The following AGAP1 variants were observed in gnomAD, a reference collection of about 807,000 sequenced individuals.
AGAP1 encodes the protein arf-GAP with GTPase, ANK repeat and PH domain-containing protein 1.
Under a neutral mutation model 105.3 loss-of-function variants are expected in AGAP1, and 29 were observed. The observed-to-expected ratio is 0.28, with a 90% CI of 0.21 to 0.38. AGAP1 has a LOEUF of 0.38. Ranked by LOEUF, AGAP1 falls within the 10% of genes least tolerant of loss-of-function variation. The pLI, the probability that AGAP1 is intolerant of heterozygous loss-of-function variation, is 1.00. For missense variants in AGAP1, 998 were observed against 1,165.1 expected (o/e 0.86, Z 2.09); for synonymous variants, 509 against 485.9 (o/e 1.05, Z -0.63).
chr2:235,942,459 C>T (rs923932057), intron 12 of AGAP1, among the ~76,000 whole-genome samples: 1 of 152,090 alleles, frequency 6.6e-6, no homozygotes, highest in Non-Finnish European at 1.5e-5. Flanking sequence ...GGGCGGATCA[C>T]CTGAGGTTGG....
rs1359640088 is a variant in AGAP1, at chr2:235,951,061, TGGA to T, written c.1484-17400_1484-17398del. 6.6e-6 allele frequency among the ~76,000 whole-genome samples: 1 copy of T among 152,194 alleles called. No homozygotes were observed. Among genetic ancestry groups the T allele is most frequent in the African/African-American group, 2.4e-5 (1 of 41,448 alleles). On this transcript the variant is annotated intron_variant, in intron 12 of 17. Transcript: ENST00000304032. This position sits in a 1 kb window ranked among gnomAD's most constrained non-coding sequence, Gnocchi z 4.2. ...TGGTGAATTACTCATAGTTTTCTGC[TGGA>T]AGTAAATTTAATTCTAGTTTTTAAA...
chr2:235,555,074 G>T lies in AGAP1; in HGVS notation c.163+60225G>T, dbSNP rs1450399143. 6.6e-6 allele frequency among the ~76,000 whole-genome samples: 1 copy of T among 152,206 alleles called. No individual in the cohort carries two copies. Among genetic ancestry groups the T allele is most frequent in the African/African-American group, 2.4e-5 (1 of 41,458 alleles). ...GCAGTTGCCTTCTCAGCATCGTGGG[G>T]TGGGGCTGGGATGAGGAGAGCGCGG... On this transcript the variant is annotated intron_variant, in intron 1 of 17. Transcript: ENST00000304032. This position sits in a 1 kb window ranked among gnomAD's most constrained non-coding sequence, Gnocchi z 5.1.
chr2:235,941,687 C>T (rs143396484), intron 12 of AGAP1, among the ~76,000 whole-genome samples: 34 of 152,226 alleles, frequency 2.2e-4, no homozygotes, highest in African/African-American at 7.2e-4. Context: ...AGCGCTTTAT[C>T]GTATGCAGTG....
At position 236,027,532 on chromosome 2, in the gene AGAP1, A is replaced by C. The variant is rs2125626674; in HGVS notation, c.1646-9029A>C. On this transcript the variant is annotated intron_variant, in intron 13 of 17. Coordinates refer to ENST00000304032, the MANE Select transcript of AGAP1 (RefSeq NM_001037131.3). This position sits in a 1 kb window ranked among gnomAD's most constrained non-coding sequence, Gnocchi z 4.4. ...GCCTCTGCCCTGCCTCCCCCAGGGCAGACTGAGCCTCTCCCCTCCAGGTGT... is the reference window on the plus strand; with the variant it reads ...GCCTCTGCCCTGCCTCCCCCAGGGCCGACTGAGCCTCTCCCCTCCAGGTGT... 6.6e-6 allele frequency among the ~76,000 whole-genome samples: 1 copy of C among 152,258 alleles called. No individual in the cohort carries two copies. Among genetic ancestry groups the C allele is most frequent in the East Asian group, 1.9e-4 (1 of 5,174 alleles).
At chr2:235,581,134 C>CAAA (rs60330965) in intron 1 of AGAP1, among the ~76,000 whole-genome samples, 26 of 88,230 alleles carry the variant, frequency 2.9e-4, no homozygotes, top group African/African-American at 9.0e-4. Flanking sequence ...CCATCTCAAG[C>CAAA]AAAAAAAAAA....
intron 1 of AGAP1, among the ~76,000 whole-genome samples, chr2:235,697,828 C>T (rs1034849118): frequency 6.6e-6 from 1 of 152,190 alleles, no homozygotes; most frequent in Non-Finnish European, 1.5e-5. Context: ...GACAGAAACT[C>T]AGCATATGAA....
intron 13 of AGAP1, among the ~76,000 whole-genome samples, chr2:236,019,284 G>A (rs11900614): frequency 0.13 from 19,344 of 152,154 alleles, 1,694 homozygotes; most frequent in African/African-American, 0.25. Flanking sequence ...GGGTGCACCC[G>A]CCCACTGCCC....
intron 13 of AGAP1, among the ~76,000 whole-genome samples, chr2:236,033,959 TAAAC>T (rs1290901633): frequency 3.9e-5 from 6 of 152,346 alleles, no homozygotes; most frequent in African/African-American, 1.2e-4. Flanking sequence ...TTTCACAGAT[TAAAC>T]AAAGTGTGAG....
rs1223838400 is a variant in AGAP1 at position 236,005,932 on chromosome 2, C to G, written c.1646-30629C>G. Reference sequence around the variant, plus strand: ...TCATTGTGCCCCTCCACAGCCCATACTGAACTTTTGGAAGGAAGTCACTGT... The same window carrying G: ...TCATTGTGCCCCTCCACAGCCCATAGTGAACTTTTGGAAGGAAGTCACTGT... On this transcript the variant is annotated intron_variant, in intron 13 of 17. Coordinates refer to ENST00000304032, the MANE Select transcript of AGAP1 (RefSeq NM_001037131.3). This position sits in a 1 kb window ranked among gnomAD's most constrained non-coding sequence, Gnocchi z 4.1. Among the ~76,000 whole-genome samples, 2 of 152,224 alleles carry G rather than the reference C, an allele frequency of 1.3e-5. No homozygotes were observed. The highest frequency in any genetic ancestry group is 1.9e-4 in the East Asian group (1 of 5,194).
chr2:236,069,737 G>A (rs12465341), intron 16 of AGAP1, among the ~76,000 whole-genome samples: 27,314 of 152,152 alleles, frequency 0.18, 2,767 homozygotes, highest in South Asian at 0.32. Context: ...TGATGATGCA[G>A]GTGAAAATGT....
At chr2:235,846,500 GT>G (rs3059033) in intron 9 of AGAP1, among the ~76,000 whole-genome samples, 55 of 141,290 alleles carry the variant, frequency 3.9e-4, no homozygotes, top group African/African-American at 1.5e-3. Context: ...CTAATTTTTG[GT>G]TTTTTTTTTA....
rs1944358545 is a variant in AGAP1 at position 235,566,743 on chromosome 2, C to G, written c.163+71894C>G. ...TTGTTGGGGTTAACATGAGTGGACC[C>G]TAGATTTCCCTGCCTGAAGGGGGCC... On this transcript the variant is annotated intron_variant, in intron 1 of 17. Transcript: ENST00000304032. This position sits in a 1 kb window ranked among gnomAD's most constrained non-coding sequence, Gnocchi z 5.2. 2.3e-6 allele frequency: 1 copy of G among 433,030 alleles called. No individual in the cohort carries two copies. Among genetic ancestry groups the G allele is most frequent in the Non-Finnish European group, 3.1e-6 (1 of 325,194 alleles). The allele number at this position is 433,030 out of a possible 1,614,324, so 26.8% of individuals were successfully genotyped here. A position where few individuals can be genotyped will look rare whatever the true frequency, so the allele number is the denominator to read the frequency against.
In AGAP1 at chr2:235,979,461, G is replaced by A. The variant is rs537122273; in HGVS notation, c.1645+10838G>A. Among the ~76,000 whole-genome samples the A allele has an allele frequency of 1.2e-4, 19 of 152,228 alleles. No homozygotes were observed. The South Asian group carries it at 3.7e-3, about 30-fold the overall frequency. On this transcript the variant is annotated intron_variant, in intron 13 of 17. Coordinates refer to ENST00000304032, the MANE Select transcript of AGAP1 (RefSeq NM_001037131.3). The surrounding 1 kb of genome is among the most constrained non-coding windows in gnomAD (Gnocchi z 4.5). ...TTTTATCAAGATGTATTAATGCTTT[G>A]GAGAAGGTGTAGTTGAGATAAACTT... is the stretch of plus-strand genomic sequence containing the variant.
chr2:235,720,464 C>T lies in AGAP1; in HGVS notation c.310+2820C>T, dbSNP rs1250181641. ...ACCCACACAAAGGTGAGGGCACTCC[C>T]ACAGTGGTGGGAGTGGTTGGCGCCC... is the stretch of plus-strand genomic sequence containing the variant. On this transcript the variant is annotated intron_variant, in intron 3 of 17. Coordinates refer to ENST00000304032, the MANE Select transcript of AGAP1 (RefSeq NM_001037131.3). This position sits in a 1 kb window ranked among gnomAD's most constrained non-coding sequence, Gnocchi z 5.0. Among the ~76,000 whole-genome samples, 1 of 152,066 alleles carries T rather than the reference C, an allele frequency of 6.6e-6. No individual in the cohort carries two copies. Among genetic ancestry groups the T allele is most frequent in the Non-Finnish European group, 1.5e-5 (1 of 68,016 alleles).
chr2:235,513,292 G>A (rs899328759), intron 1 of AGAP1, among the ~76,000 whole-genome samples: 1 of 152,062 alleles, frequency 6.6e-6, no homozygotes, highest in African/African-American at 2.4e-5. Flanking sequence ...AGGCTGAGGC[G>A]GGCAGATTGC....
chr2:235,532,016 A>C (rs1277587582), intron 1 of AGAP1, among the ~76,000 whole-genome samples: 1 of 152,220 alleles, frequency 6.6e-6, no homozygotes, highest in African/African-American at 2.4e-5. Context: ...AGAATTTTAA[A>C]AAGGAAAATA....
rs374018699 is a variant in AGAP1 at position 235,906,048 on chromosome 2, C to T, written c.1156-2690C>T. On this transcript the variant is annotated intron_variant, in intron 10 of 17. Transcript: ENST00000304032. The surrounding 1 kb of genome is among the most constrained non-coding windows in gnomAD (Gnocchi z 5.3). ...TGTTCCCAGCCCAGATACCACCCTCCCGTTACCCGAACCCACCATGACAGC... is the reference window on the plus strand; with the variant it reads ...TGTTCCCAGCCCAGATACCACCCTCTCGTTACCCGAACCCACCATGACAGC... Among the ~76,000 whole-genome samples, 63 of 152,200 alleles carry T rather than the reference C, an allele frequency of 4.1e-4. No homozygotes were observed. The highest frequency in any genetic ancestry group is 1.4e-3 in the African/African-American group (57 of 41,448).
chr2:235,513,744 C>T (rs1942255072), intron 1 of AGAP1, among the ~76,000 whole-genome samples: 1 of 152,012 alleles, frequency 6.6e-6, no homozygotes, highest in African/African-American at 2.4e-5. Flanking sequence ...AATCCTGGAG[C>T]CTGGACTGTT....
Position 235,787,417 on chromosome 2 carries a change from C to T in AGAP1, c.674-10342C>T, listed in dbSNP as rs1326724223. Among the ~76,000 whole-genome samples the T allele has an allele frequency of 6.6e-6, 1 of 152,174 alleles. No homozygotes were observed. Among genetic ancestry groups the T allele is most frequent in the Non-Finnish European group, 1.5e-5 (1 of 68,042 alleles). ...TTGCAGATTATTCCTTCTTTGTCTGCATCATAGACACACGCCTCTCTTTAT... is the reference window on the plus strand; with the variant it reads ...TTGCAGATTATTCCTTCTTTGTCTGTATCATAGACACACGCCTCTCTTTAT... On this transcript the variant is annotated intron_variant, in intron 6 of 17. Transcript: ENST00000304032. This position sits in a 1 kb window ranked among gnomAD's most constrained non-coding sequence, Gnocchi z 4.4.
Sources: gnomAD v4.1 joint callset for allele counts (sites outside exome capture counted in the v4.1 genomes callset) on GRCh38, gnomAD v4.1.1 for gene constraint, Gnocchi (gnomAD v3.1) non-coding constraint, MANE v1.5 for transcripts, NCBI Gene and HGNC (gene_info 2026-07-23, HGNC 2026-07-21) for gene names.